Variants in MNAT1 observed in about 807,000 individuals in gnomAD.
MNAT1 encodes the protein MNAT1 component of CDK activating kinase, also known as CDK-activating kinase assembly factor MAT1.
In MNAT1, 43 loss-of-function variants were observed where a neutral mutation model predicts 42.0. That is an observed-to-expected ratio of 1.02 (90% CI 0.80 to 1.32). The LOEUF (loss-of-function observed/expected upper bound fraction) is 1.32. Among genes scored for constraint, MNAT1 ranks in the 40% most tolerant of loss-of-function variants. MNAT1 has a pLI of 0.00. For missense variants in MNAT1, 306 were observed against 350.4 expected, an observed-to-expected ratio of 0.87 and a Z score of 1.01; for synonymous variants, 118 against 120.0, an observed-to-expected ratio of 0.98 and a Z score of 0.11.
At chr14:60,947,844 A>C (rs780978580) in intron 7 of MNAT1, among the ~76,000 whole-genome samples, 6 of 152,064 alleles carry the variant, frequency 3.9e-5, no homozygotes, top group Admixed American at 1.3e-4. Context: ...CTTCATTGTT[A>C]ACTTCTAACT....
chr14:60,799,218 C>T (rs2032122299), intron 3 of MNAT1: 1 of 984,308 alleles, frequency 1.0e-6, no homozygotes, highest in Non-Finnish European at 1.2e-6. Context: ...CACTGCTTTT[C>T]CATTCTGCAT....
intron 7 of MNAT1, among the ~76,000 whole-genome samples, chr14:60,960,101 C>T (rs1224887411): frequency 6.6e-6 from 1 of 152,122 alleles, no homozygotes; most frequent in Non-Finnish European, 1.5e-5. Context: ...ATAAGAAACA[C>T]GTCTGCTGTA....
chr14:60,904,927 A>T (rs561959691), intron 7 of MNAT1, among the ~76,000 whole-genome samples: 2 of 146,316 alleles, frequency 1.4e-5, no homozygotes, highest in East Asian at 4.0e-4. Flanking sequence ...ATGAAACCTC[A>T]TTGTATAGCT....
At chr14:60,773,927 TG>T (rs2031157138) in intron 1 of MNAT1, among the ~76,000 whole-genome samples, 1 of 152,228 alleles carries the variant, frequency 6.6e-6, no homozygotes, top group Non-Finnish European at 1.5e-5. Context: ...TTAGGGATTT[TG>T]GAAAATGAAT....
chr14:60,921,420 G>A (rs2035657288), intron 7 of MNAT1, among the ~76,000 whole-genome samples: 1 of 152,068 alleles, frequency 6.6e-6, no homozygotes, highest in Non-Finnish European at 1.5e-5. Flanking sequence ...CTACTGTTGA[G>A]TTATTGATTT....
At chr14:60,831,552 C>T (rs990509777) in intron 6 of MNAT1, among the ~76,000 whole-genome samples, 1 of 152,130 alleles carries the variant, frequency 6.6e-6, no homozygotes, top group African/African-American at 2.4e-5. Flanking sequence ...GTATACGTGC[C>T]ACATTTTCTT....
At chr14:60,882,178 G>A (rs1426350694) in intron 7 of MNAT1, among the ~76,000 whole-genome samples, 1 of 151,814 alleles carries the variant, frequency 6.6e-6, no homozygotes, top group Admixed American at 6.6e-5. Context: ...CCAAAAACTG[G>A]TTCCTATTCA....
intron 7 of MNAT1, among the ~76,000 whole-genome samples, chr14:60,907,144 A>G (rs2035216987): frequency 6.6e-6 from 1 of 152,174 alleles, no homozygotes; most frequent in Non-Finnish European, 1.5e-5. Context: ...CTCAGTGATT[A>G]TAAAGATGAA....
intron 6 of MNAT1, among the ~76,000 whole-genome samples, chr14:60,843,561 C>T (rs963118766): frequency 2.0e-5 from 3 of 152,078 alleles, no homozygotes; most frequent in Non-Finnish European, 4.4e-5. Context: ...TGAGCCACTG[C>T]GTCCGGCCTC....
At chr14:60,898,790 C>T (rs2035015199) in intron 7 of MNAT1, among the ~76,000 whole-genome samples, 1 of 151,922 alleles carries the variant, frequency 6.6e-6, no homozygotes, top group African/African-American at 2.4e-5. Flanking sequence ...TTTTGTTTTA[C>T]TTACCTATGC....
rs554747759 is a variant in MNAT1 at position 60,752,796 on chromosome 14, A to T, written c.89+17845A>T. Among the ~76,000 whole-genome samples, 77 of 152,220 alleles carry T rather than the reference A, an allele frequency of 5.1e-4. 1 individual carries two copies. The highest frequency in any genetic ancestry group is 1.8e-3 in the African/African-American group (74 of 41,528). ...TTATTATTTTTTGAGATGGAGTCTCACTCTGTTGCCCAGGCTAGAGTGCAG... is the reference window on the plus strand; with the variant it reads ...TTATTATTTTTTGAGATGGAGTCTCTCTCTGTTGCCCAGGCTAGAGTGCAG... On this transcript the variant is annotated intron_variant, in intron 1 of 7. Coordinates refer to ENST00000261245, the MANE Select transcript of MNAT1 (RefSeq NM_002431.4).
rs79743887 is a variant in MNAT1, at chr14:60,900,258, G to C, written c.809+20423G>C. 7.6e-3 allele frequency among the ~76,000 whole-genome samples: 1,164 copies of C among 152,266 alleles called. 22 individuals carry two copies. The highest frequency in any genetic ancestry group is 0.027 in the African/African-American group (1,103 of 41,550). ...GCAAGATATGTCAAAAACCAAAATA[G>C]GCAAAAGCTAGACCTCTTGTGCCAA... is the stretch of plus-strand genomic sequence containing the variant. On this transcript the variant is annotated intron_variant, in intron 7 of 7. Coordinates refer to ENST00000261245, the MANE Select transcript of MNAT1 (RefSeq NM_002431.4).
At chr14:60,900,963 G>T (rs1228446441) in intron 7 of MNAT1, among the ~76,000 whole-genome samples, 3 of 140,844 alleles carry the variant, frequency 2.1e-5, no homozygotes, top group African/African-American at 7.8e-5. Context: ...ACTCCAGCCT[G>T]GGTGACCCTG....
rs566142189 is a variant in MNAT1 at position 60,884,266 on chromosome 14, AC to A, written c.809+4433del. ...TATACCCAGGTTTTTGAGGGTTTTT[AC>A]CATGAAAGAATGTTGAATTTTATTA... is the stretch of plus-strand genomic sequence containing the variant. On this transcript the variant is annotated intron_variant, in intron 7 of 7. Coordinates refer to ENST00000261245, the MANE Select transcript of MNAT1 (RefSeq NM_002431.4). Among the ~76,000 whole-genome samples, 263 of 152,202 alleles carry A rather than the reference AC, an allele frequency of 1.7e-3. 1 individual carries two copies. The highest frequency in any genetic ancestry group is 6.2e-3 in the African/African-American group (256 of 41,548).
chr14:60,934,463 A>G (rs2035950379), intron 7 of MNAT1, among the ~76,000 whole-genome samples: 1 of 152,112 alleles, frequency 6.6e-6, no homozygotes, highest in Admixed American at 6.6e-5. Flanking sequence ...GGAGGGACCC[A>G]GTAGGAGGTA....
rs914597396 is a variant in MNAT1 at position 60,914,046 on chromosome 14, C to G, written c.809+34211C>G. On this transcript the variant is annotated intron_variant, in intron 7 of 7. Transcript: ENST00000261245. Reference sequence around the variant, plus strand: ...ATGGCAGGTGCCCCTCCCCCAGCCTCGCTGCCGCCTTGCAGTTTGATCTCA... The same window carrying G: ...ATGGCAGGTGCCCCTCCCCCAGCCTGGCTGCCGCCTTGCAGTTTGATCTCA... Among the ~76,000 whole-genome samples the G allele has an allele frequency of 3.3e-5, 5 of 152,344 alleles. No individual in the cohort carries two copies. In the South Asian group the frequency reaches 6.2e-4, roughly 19 times the overall value.
At chr14:60,829,083 A>G (rs1488321511) in intron 6 of MNAT1, among the ~76,000 whole-genome samples, 1 of 151,968 alleles carries the variant, frequency 6.6e-6, no homozygotes, top group Non-Finnish European at 1.5e-5. Flanking sequence ...GATTAACTCA[A>G]CCTCCTGCCC....
At position 60,808,562 on chromosome 14, in the gene MNAT1, A is replaced by G. The variant is rs1435850159; in HGVS notation, c.420+134A>G. On this transcript the variant is annotated intron_variant, in intron 4 of 7. Transcript: ENST00000261245. ...GCTGAAATTTAGACCAGAAATATGA[A>G]TATATGCTGTATAGGTATGTAGGTA... 40 of 590,730 alleles carry G rather than the reference A, an allele frequency of 6.8e-5. 1 individual carries two copies. The allele number at this position is 590,730 out of a possible 1,614,324, so 36.6% of individuals were successfully genotyped here. A position where few individuals can be genotyped will look rare whatever the true frequency, so the allele number is the denominator to read the frequency against.
chr14:60,736,431 C>G (rs1259708368), intron 1 of MNAT1, among the ~76,000 whole-genome samples: 1 of 152,016 alleles, frequency 6.6e-6, no homozygotes, highest in South Asian at 2.1e-4. Context: ...TTTAATTGGG[C>G]AAGTATAAAA....
Sources: gnomAD v4.1 joint callset for allele counts (sites outside exome capture counted in the v4.1 genomes callset) on GRCh38, gnomAD v4.1.1 for gene constraint, MANE v1.5 for transcripts, NCBI Gene and HGNC (gene_info 2026-07-23, HGNC 2026-07-21) for gene names.